The following NEURL1 variants were observed in gnomAD, a reference collection of about 807,000 sequenced individuals.
NEURL1 encodes E3 ubiquitin-protein ligase NEURL1.
Under a neutral mutation model 41.2 loss-of-function variants are expected in NEURL1, and 26 were observed. The observed-to-expected ratio is 0.63, with a 90% CI of 0.46 to 0.87. NEURL1 has a LOEUF of 0.87. Ranked by LOEUF, NEURL1 falls within the 40% of genes least tolerant of loss-of-function variation. The pLI is 0.00. For synonymous variants in NEURL1, 400 were observed against 402.3 expected (o/e 0.99, Z 0.07); for missense variants, 761 against 871.1 (o/e 0.87, Z 1.59).
At chr10:103,576,547 G>A (rs1332698055) in intron 3 of NEURL1, among the ~76,000 whole-genome samples, 2 of 152,158 alleles carry the variant, frequency 1.3e-5, no homozygotes, top group Non-Finnish European at 2.9e-5. Flanking sequence ...TGACAGTGGA[G>A]AAGTATGAGA....
rs185749878 is a variant in NEURL1 at position 103,499,554 on chromosome 10, T to A, written c.85+5082T>A. ...ATCTTGGCTCATTGAAGCCTCAACC[T>A]CCTGGGCTCAAGTGATCCTCCTGCC... On this transcript the variant is annotated intron_variant, in intron 1 of 5. Coordinates refer to ENST00000369780, the MANE Select transcript of NEURL1 (RefSeq NM_004210.5). Among the ~76,000 whole-genome samples the A allele has an allele frequency of 5.1e-3, 774 of 151,926 alleles. 14 individuals are homozygous for A. The highest frequency in any genetic ancestry group is 0.015 in the Admixed American group (223 of 15,230).
intron 3 of NEURL1, among the ~76,000 whole-genome samples, chr10:103,577,408 A>C (rs2035688998): frequency 6.6e-6 from 1 of 152,202 alleles, no homozygotes; most frequent in African/African-American, 2.4e-5. Flanking sequence ...GATCCAGCAT[A>C]TATCCTCTTT....
At position 103,508,688 on chromosome 10, in the gene NEURL1, G is replaced by A. The variant is rs959303732; in HGVS notation, c.85+14216G>A. ...CAGCCAGACATGCAGACCCTGATGT[G>A]GGCCCAGGGGTTGGAGGAAGCGGTT... On this transcript the variant is annotated intron_variant, in intron 1 of 5. Transcript: ENST00000369780. This position sits in a 1 kb window ranked among gnomAD's most constrained non-coding sequence, Gnocchi z 4.3. 6.6e-6 allele frequency among the ~76,000 whole-genome samples: 1 copy of A among 152,168 alleles called. No individual in the cohort carries two copies. Among genetic ancestry groups the A allele is most frequent in the East Asian group, 1.9e-4 (1 of 5,188 alleles).
Position 103,548,470 on chromosome 10 carries a change from G to A in NEURL1, c.86-22402G>A, listed in dbSNP as rs144956969. Among the ~76,000 whole-genome samples the A allele has an allele frequency of 2.1e-3, 313 of 152,236 alleles. 1 individual carries two copies. The highest frequency in any genetic ancestry group is 6.2e-3 in the African/African-American group (259 of 41,550). On this transcript the variant is annotated intron_variant, in intron 1 of 5. Coordinates refer to ENST00000369780, the MANE Select transcript of NEURL1 (RefSeq NM_004210.5). ...CCCGAGCAGCTGGGATTACAGGGGT[G>A]TGCCACCACGCCTGGCTAATTTTTG...
chr10:103,580,643 C>T (rs543444460), intron 3 of NEURL1, among the ~76,000 whole-genome samples: 1 of 152,296 alleles, frequency 6.6e-6, no homozygotes, highest in South Asian at 2.1e-4. Flanking sequence ...GCTGGGCTCA[C>T]TGATGGGATG....
chr10:103,572,992 CTT>C (rs554119594), intron 3 of NEURL1, among the ~76,000 whole-genome samples: 2 of 146,456 alleles, frequency 1.4e-5, no homozygotes. Context: ...GGTTGAAAAC[CTT>C]TTTTTTTTTT....
At chr10:103,589,326 T>G (rs898910477) in intron 4 of NEURL1, among the ~76,000 whole-genome samples, 188 bp from the exon 5 acceptor site, 5 of 152,200 alleles carry the variant, frequency 3.3e-5, no homozygotes. Context: ...GTCAAAGTCT[T>G]TAGCTGATTA....
chr10:103,547,538 G>A (rs1242192813), intron 1 of NEURL1, among the ~76,000 whole-genome samples: 2 of 152,226 alleles, frequency 1.3e-5, no homozygotes, highest in Non-Finnish European at 2.9e-5. Context: ...ACCTGGGAGA[G>A]GCAGGAAGCA....
chr10:103,568,939 C>T (rs1380085042), intron 1 of NEURL1, among the ~76,000 whole-genome samples: 1 of 152,150 alleles, frequency 6.6e-6, no homozygotes, highest in Non-Finnish European at 1.5e-5. Flanking sequence ...CTCAGCCTCC[C>T]GAGTAGCTGG....
chr10:103,517,461 AT>A (rs2034243128), intron 1 of NEURL1: 1 of 152,286 alleles, frequency 6.6e-6, no homozygotes, highest in Admixed American at 6.5e-5. Flanking sequence ...ACTCAACACA[AT>A]GGCTTTGTGA....
chr10:103,518,936 C>A (rs1485215776), intron 1 of NEURL1, among the ~76,000 whole-genome samples: 1 of 152,134 alleles, frequency 6.6e-6, no homozygotes, highest in Non-Finnish European at 1.5e-5. Flanking sequence ...TAACAATAAG[C>A]ACATATTGCT....
chr10:103,589,235 T>C (rs2035986403), intron 4 of NEURL1, among the ~76,000 whole-genome samples: 1 of 152,162 alleles, frequency 6.6e-6, no homozygotes, highest in African/African-American at 2.4e-5. Context: ...AGTTTGGAGC[T>C]GCTGTTTTAA....
chr10:103,551,137 G>A (rs1387637628), intron 1 of NEURL1, among the ~76,000 whole-genome samples: 4 of 151,950 alleles, frequency 2.6e-5, no homozygotes, highest in African/African-American at 4.8e-5. Flanking sequence ...GTCCATGCCC[G>A]TTTTACACCC....
intron 1 of NEURL1, among the ~76,000 whole-genome samples, chr10:103,515,081 A>G (rs1378644447): frequency 1.3e-5 from 2 of 152,126 alleles, no homozygotes; most frequent in African/African-American, 4.8e-5. Flanking sequence ...TACAAAAATT[A>G]GCCAGGTGTG....
chr10:103,571,413 G>A (rs2035541421), intron 2 of NEURL1, 88 bp from the exon 3 acceptor site: 33 of 1,335,234 alleles, frequency 2.5e-5, no homozygotes, highest in Non-Finnish European at 3.1e-5. Flanking sequence ...GCTGTGGGAT[G>A]CTCCAGGGAG....
chr10:103,513,781 C>G, intron 1 of NEURL1, among the ~76,000 whole-genome samples: 1 of 151,834 alleles, frequency 6.6e-6, no homozygotes, highest in Non-Finnish European at 1.5e-5. Context: ...GGTGGGAGGA[C>G]AGGGGTGCGG....
In NEURL1 at chr10:103,523,778, AT is replaced by A. The variant is rs561061680; in HGVS notation, c.85+29312del. Reference sequence around the variant, plus strand: ...ATATTGCCATGAATGACAGAATTTCATTTTTTAAATGGCTAAATAGTATTCC... The same window carrying A: ...ATATTGCCATGAATGACAGAATTTCATTTTTAAATGGCTAAATAGTATTCC... On this transcript the variant is annotated intron_variant, in intron 1 of 5. Transcript: ENST00000369780. Among the ~76,000 whole-genome samples the A allele has an allele frequency of 1.3e-3, 204 of 152,230 alleles. 1 individual carries two copies. The highest frequency in any genetic ancestry group is 4.8e-3 in the African/African-American group (201 of 41,526).
Position 103,545,892 on chromosome 10 carries a change from G to T in NEURL1, c.86-24980G>T, listed in dbSNP as rs548024351. ...GGGAGTGGCCCAGAGCCTGGCTGGG[G>T]CAAGGCCTGCAGGTGGGTGCCTAGG... is the stretch of plus-strand genomic sequence containing the variant. On this transcript the variant is annotated intron_variant, in intron 1 of 5. Coordinates refer to ENST00000369780, the MANE Select transcript of NEURL1 (RefSeq NM_004210.5). This position sits in a 1 kb window ranked among gnomAD's most constrained non-coding sequence, Gnocchi z 4.5. 1.5e-4 allele frequency among the ~76,000 whole-genome samples: 23 copies of T among 152,316 alleles called. No homozygotes were observed. Among genetic ancestry groups the T allele is most frequent in the African/African-American group, 5.5e-4 (23 of 41,566 alleles).
chr10:103,524,900 A>G (rs1010064688), intron 1 of NEURL1, among the ~76,000 whole-genome samples: 1 of 152,076 alleles, frequency 6.6e-6, no homozygotes, highest in African/African-American at 2.4e-5. Context: ...CTTTTTGCTC[A>G]GGATTGCTTT....
Sources: allele counts gnomAD v4.1 joint callset (sites outside exome capture counted in the v4.1 genomes callset), GRCh38; gene constraint gnomAD v4.1.1; non-coding constraint Gnocchi (gnomAD v3.1); transcripts MANE v1.5; gene names NCBI Gene and HGNC (gene_info 2026-07-23, HGNC 2026-07-21).